The following TENM3 variants were observed in gnomAD, a reference collection of about 807,000 sequenced individuals.
The protein encoded by TENM3 is teneurin-3.
TENM3 carries 63 observed loss-of-function variants against 255.1 expected under a neutral mutation model. That is an observed-to-expected ratio of 0.25 (90% CI 0.20 to 0.30). The LOEUF (loss-of-function observed/expected upper bound fraction) is 0.30, where lower values mean the gene tolerates loss of function less well. Among genes scored for constraint, TENM3 ranks in the 10% least tolerant of loss-of-function variants. The pLI is 1.00. For synonymous variants in TENM3, 1,306 were observed against 1,322.3 expected (o/e 0.99, Z 0.27); for missense variants, 2,929 against 3,461.1 (o/e 0.85, Z 3.86).
chr4:182,297,839 C>A (rs192212140), intron 1 of TENM3, among the ~76,000 whole-genome samples: 1 of 152,212 alleles, frequency 6.6e-6, no homozygotes, highest in African/African-American at 2.4e-5. Context: ...CAGGCCTGGG[C>A]CTCAGTGAAG....
the TENM3 span, among the ~76,000 whole-genome samples, chr4:182,103,184 A>G: frequency 2.0e-5 from 3 of 152,254 alleles, no homozygotes; most frequent in Non-Finnish European, 2.9e-5. Context: ...TCTAAGAAGT[A>G]GGCTCACCAG....
chr4:182,229,839 T>C (rs919560697), intron 1 of TENM3, among the ~76,000 whole-genome samples: 3 of 152,118 alleles, frequency 2.0e-5, no homozygotes, highest in Admixed American at 6.5e-5. Flanking sequence ...TTGAATACAG[T>C]GTACATAACA....
At chr4:182,357,941 G>A (rs1287261747) in intron 3 of TENM3, among the ~76,000 whole-genome samples, 1 of 150,914 alleles carries the variant, frequency 6.6e-6, no homozygotes, top group Admixed American at 6.6e-5. Context: ...CATATGGCTA[G>A]CCAGTTTTCC....
At chr4:181,793,466 C>A in the TENM3 span, among the ~76,000 whole-genome samples, 1 of 152,302 alleles carries the variant, frequency 6.6e-6, no homozygotes, top group South Asian at 2.1e-4. Context: ...CATCAGGAGT[C>A]TCAGTCTCGC....
chr4:181,888,538 A>ATATATATACATATATG, the TENM3 span, among the ~76,000 whole-genome samples: 1 of 74,166 alleles, frequency 1.3e-5, no homozygotes, highest in Non-Finnish European at 3.1e-5. Context: ...ATATATGTGT[A>ATATATATACATATATG]TATATATATA....
chr4:181,457,461 G>A, the TENM3 span, among the ~76,000 whole-genome samples: 26 of 151,666 alleles, frequency 1.7e-4, no homozygotes, highest in African/African-American at 5.3e-4. Flanking sequence ...GGGCTCTCTC[G>A]ATTAAACCCT....
In TENM3 at chr4:182,754,697, A is replaced by G. The variant is rs769462766; in HGVS notation, c.4330A>G (p.Ile1444Val). 1 of 1,614,068 alleles carries G rather than the reference A, an allele frequency of 6.2e-7. No individual in the cohort carries two copies. The change falls in exon 22 of 28, where the codon ATA (isoleucine) becomes GTA (valine). Residue 1444 changes from isoleucine to valine, a missense_variant. This residue lies in a region of TENM3 where 1,608 missense variants were observed against 1,884.4 expected (regional missense o/e 0.85). Transcript: ENST00000511685. The surrounding 1 kb of genome is among the most constrained non-coding windows in gnomAD (Gnocchi z 5.1). ...TDGEISLVAG[I>V]PSECDCKNDA... is the part of the protein sequence containing the mutation. ...TGGAGAAATCTCCTTAGTGGCCGGAATACCTTCAGAGTGTGACTGCAAAAA... is the reference window on the plus strand; with the variant it reads ...TGGAGAAATCTCCTTAGTGGCCGGAGTACCTTCAGAGTGTGACTGCAAAAA...
chr4:182,258,214 A>G (rs1758550113), intron 1 of TENM3, among the ~76,000 whole-genome samples: 1 of 152,178 alleles, frequency 6.6e-6, no homozygotes, highest in Admixed American at 6.5e-5. Flanking sequence ...ATCCTACTAT[A>G]TCTATTTTTC....
At chr4:182,151,281 C>A (rs952166754) in intron 1 of TENM3, among the ~76,000 whole-genome samples, 10 of 152,034 alleles carry the variant, frequency 6.6e-5, no homozygotes, top group African/African-American at 2.4e-4. Context: ...ATGTTAAATA[C>A]CTTGCATGAA....
the TENM3 span, among the ~76,000 whole-genome samples, chr4:181,759,724 ATGTGTGTGTGTGTGTG>A: frequency 6.8e-6 from 1 of 146,514 alleles, no homozygotes; most frequent in Non-Finnish European, 1.5e-5. Flanking sequence ...CAATCAACAG[ATGTGTGTGTGTGTGTG>A]TGTGTGTGTG....
chr4:181,611,948 T>C, the TENM3 span, among the ~76,000 whole-genome samples: 1 of 152,264 alleles, frequency 6.6e-6, no homozygotes, highest in Admixed American at 6.5e-5. Context: ...ATCCCATACA[T>C]AATATATCTA....
chr4:181,830,436 A>ATTTTT, the TENM3 span, among the ~76,000 whole-genome samples: 1 of 151,772 alleles, frequency 6.6e-6, no homozygotes, highest in Non-Finnish European at 1.5e-5. Context: ...TGCCCAGCTA[A>ATTTTT]TTTTTTTAGT....
intron 3 of TENM3, among the ~76,000 whole-genome samples, chr4:182,409,231 G>T (rs1769801820): frequency 6.6e-6 from 1 of 152,184 alleles, no homozygotes; most frequent in African/African-American, 2.4e-5. Context: ...CAACCAGAAA[G>T]CTCTCTCTTA....
At chr4:181,955,097 A>T in the TENM3 span, among the ~76,000 whole-genome samples, 1 of 152,272 alleles carries the variant, frequency 6.6e-6, no homozygotes, top group African/African-American at 2.4e-5. Context: ...CTTTTTAAAA[A>T]TCTCCTTAAC....
At chr4:182,187,864 A>G (rs919809279) in intron 1 of TENM3, among the ~76,000 whole-genome samples, 1 of 152,126 alleles carries the variant, frequency 6.6e-6, no homozygotes, top group Non-Finnish European at 1.5e-5. Context: ...CTGCTTTATT[A>G]TTGTCTGATG....
intron 4 of TENM3, among the ~76,000 whole-genome samples, chr4:182,606,788 G>T (rs560772140): frequency 9.0e-4 from 137 of 152,284 alleles, no homozygotes; most frequent in Non-Finnish European, 1.6e-3. Context: ...CAACTTGATT[G>T]TTTAGTGGGC....
the TENM3 span, among the ~76,000 whole-genome samples, chr4:181,801,329 A>G: frequency 6.6e-6 from 1 of 152,146 alleles, no homozygotes; most frequent in African/African-American, 2.4e-5. Context: ...AAGGAAGTCT[A>G]TAGATGTGTG....
the TENM3 span, among the ~76,000 whole-genome samples, chr4:181,669,817 G>T: frequency 2.6e-5 from 4 of 152,166 alleles, no homozygotes; most frequent in African/African-American, 7.2e-5. Context: ...AATGTTATGA[G>T]TGTGTTGAAA....
intron 13 of TENM3, 81 bp from the exon 14 acceptor site, chr4:182,728,884 A>C: frequency 1.7e-6 from 2 of 1,154,354 alleles, no homozygotes; most frequent in Non-Finnish European, 1.2e-6. Flanking sequence ...AAAAAAAAAA[A>C]AACAGTCAAG....
Sources: gnomAD v4.1 joint callset for allele counts (sites outside exome capture counted in the v4.1 genomes callset) on GRCh38, gnomAD v4.1.1 for gene constraint, gnomAD v4.1.1 regional missense constraint, Gnocchi (gnomAD v3.1) non-coding constraint, MANE v1.5 for transcripts, NCBI Gene and HGNC (gene_info 2026-07-23, HGNC 2026-07-21) for gene names.